The following TNFSF4 variants were observed in gnomAD, a reference collection of about 807,000 sequenced individuals.
TNFSF4 encodes the protein tumor necrosis factor ligand superfamily member 4.
Under a neutral mutation model 7.3 loss-of-function variants are expected in TNFSF4, and 4 were observed. That is an observed-to-expected ratio of 0.55 (90% confidence interval 0.27 to 1.25). TNFSF4 has a LOEUF of 1.25. TNFSF4 is among the 50% of genes most tolerant of loss of function. The pLI, the probability that TNFSF4 is intolerant of heterozygous loss-of-function variation, is 0.12. For missense variants in TNFSF4, 181 were observed against 208.8 expected (o/e 0.87, Z 0.82); for synonymous variants, 76 against 83.7 (o/e 0.91, Z 0.50).
At chr1:173,421,731 G>T in the TNFSF4 span, among the ~76,000 whole-genome samples, 2 of 150,472 alleles carry the variant, frequency 1.3e-5, no homozygotes, top group Non-Finnish European at 2.9e-5. Flanking sequence ...TCATATTTTT[G>T]TAACTATTTC....
the TNFSF4 span, among the ~76,000 whole-genome samples, chr1:173,426,165 A>G: frequency 1.0e-3 from 154 of 152,300 alleles, 1 homozygote; most frequent in African/African-American, 3.6e-3. Context: ...CCTGCGAGTC[A>G]GTCTTCCCTG....
At chr1:173,335,012 T>C in the TNFSF4 span, among the ~76,000 whole-genome samples, 2 of 152,076 alleles carry the variant, frequency 1.3e-5, no homozygotes, top group Admixed American at 1.3e-4. Flanking sequence ...ACATTGAGTT[T>C]GTGGGATAAT....
the TNFSF4 span, among the ~76,000 whole-genome samples, chr1:173,391,390 A>C: frequency 7.1e-6 from 1 of 141,326 alleles, no homozygotes; most frequent in Non-Finnish European, 1.5e-5. Flanking sequence ...CAAATTCATC[A>C]TATGTATGGC....
At chr1:173,177,838 A>AT in the TNFSF4 span, among the ~76,000 whole-genome samples, 1 of 152,242 alleles carries the variant, frequency 6.6e-6, no homozygotes, top group Non-Finnish European at 1.5e-5. Flanking sequence ...CCATTAAAGA[A>AT]TTATATGTTA....
At chr1:173,286,564 C>T in the TNFSF4 span, among the ~76,000 whole-genome samples, 2 of 152,130 alleles carry the variant, frequency 1.3e-5, no homozygotes, top group South Asian at 2.1e-4. Flanking sequence ...TAACTTTAGA[C>T]TCAATCTGTG....
At chr1:173,379,792 T>A in the TNFSF4 span, among the ~76,000 whole-genome samples, 1 of 152,280 alleles carries the variant, frequency 6.6e-6, no homozygotes, top group Admixed American at 6.5e-5. Context: ...TAGGGCTTGT[T>A]ATCAGTGTGG....
chr1:173,232,904 C>A, the TNFSF4 span, among the ~76,000 whole-genome samples: 2 of 152,120 alleles, frequency 1.3e-5, no homozygotes, highest in African/African-American at 4.8e-5. Context: ...CATCAATGTT[C>A]ATCAGGGATA....
chr1:173,429,168 G>C, the TNFSF4 span, among the ~76,000 whole-genome samples: 4 of 152,028 alleles, frequency 2.6e-5, no homozygotes, highest in Non-Finnish European at 5.9e-5. Context: ...ATCTCTACTT[G>C]TATGTATCTT....
At chr1:173,376,293 C>T in the TNFSF4 span, among the ~76,000 whole-genome samples, 20 of 152,254 alleles carry the variant, frequency 1.3e-4, no homozygotes, top group East Asian at 3.9e-3. Flanking sequence ...TTTGCAGGGA[C>T]ATGGATGAAG....
At chr1:173,383,812 T>A in the TNFSF4 span, among the ~76,000 whole-genome samples, 1 of 152,162 alleles carries the variant, frequency 6.6e-6, no homozygotes, top group South Asian at 2.1e-4. Flanking sequence ...AGCTATGTTG[T>A]CATGAGCATA....
chr1:173,416,608 T>TTTTAGTTA, the TNFSF4 span, among the ~76,000 whole-genome samples: 1 of 121,984 alleles, frequency 8.2e-6, no homozygotes, highest in African/African-American at 3.1e-5. Flanking sequence ...ATTTTTTTAT[T>TTTTAGTTA]TTTATTTATT....
the TNFSF4 span, among the ~76,000 whole-genome samples, chr1:173,336,130 TG>T: frequency 1.3e-5 from 2 of 152,184 alleles, no homozygotes; most frequent in Non-Finnish European, 2.9e-5. Context: ...TTGCCTAACC[TG>T]TGGAGTGAGG....
the TNFSF4 span, among the ~76,000 whole-genome samples, chr1:173,229,137 C>T: frequency 6.6e-6 from 1 of 152,092 alleles, no homozygotes; most frequent in Non-Finnish European, 1.5e-5. Context: ...GTCAGATTCA[C>T]CAAGGTTGAA....
chr1:173,307,870 A>T, the TNFSF4 span, among the ~76,000 whole-genome samples: 56 of 152,082 alleles, frequency 3.7e-4, no homozygotes, highest in African/African-American at 1.0e-3. Context: ...GAATTATTTC[A>T]AAATAAAAGT....
At chr1:173,429,678 C>T in the TNFSF4 span, among the ~76,000 whole-genome samples, 289 of 152,284 alleles carry the variant, frequency 1.9e-3, no homozygotes, top group African/African-American at 6.7e-3. Context: ...CGTGGTGGCG[C>T]TTTATAAATG....
chr1:173,394,341 G>C, the TNFSF4 span, among the ~76,000 whole-genome samples: 1 of 151,650 alleles, frequency 6.6e-6, no homozygotes, highest in Non-Finnish European at 1.5e-5. Context: ...ATTGTTTCAT[G>C]TTCTAAGCAC....
the TNFSF4 span, among the ~76,000 whole-genome samples, chr1:173,344,173 T>C: frequency 6.6e-6 from 1 of 152,160 alleles, no homozygotes; most frequent in East Asian, 1.9e-4. Flanking sequence ...CAAAGGAATA[T>C]AGAATACCAG....
the TNFSF4 span, among the ~76,000 whole-genome samples, chr1:173,315,548 G>T: frequency 6.6e-6 from 1 of 151,970 alleles, no homozygotes; most frequent in Non-Finnish European, 1.5e-5. Context: ...ACCATATGTG[G>T]AGGCAAAAAA....
the TNFSF4 span, among the ~76,000 whole-genome samples, chr1:173,370,785 AGGCCCTTAGTCAT>A: frequency 5.4e-5 from 8 of 147,672 alleles, no homozygotes; most frequent in African/African-American, 2.0e-4. Context: ...GATCAGAGAA[AGGCCCTTAGTCAT>A]GGCCCTTAGT....
Sources: allele counts gnomAD v4.1 joint callset (sites outside exome capture counted in the v4.1 genomes callset), GRCh38; gene constraint gnomAD v4.1.1; transcripts MANE v1.5; gene names NCBI Gene and HGNC (gene_info 2026-07-23, HGNC 2026-07-21).